The following COPB1 variants were observed in gnomAD, a reference collection of about 807,000 sequenced individuals.
The protein encoded by COPB1 is coat protein complex I subunit beta 1.
COPB1 carries 21 observed loss-of-function variants against 108.7 expected under a neutral mutation model. The ratio of observed to expected loss-of-function variants is 0.19; its 90% confidence interval spans 0.14 to 0.28. The LOEUF is 0.28. Among genes scored for constraint, COPB1 ranks in the 10% least tolerant of loss-of-function variants. The pLI is 1.00. For missense variants in COPB1, 919 were observed against 1,141.3 expected (o/e 0.81, Z 2.81); for synonymous variants, 378 against 386.8 (o/e 0.98, Z 0.27).
intron 20 of COPB1, 131 bp from the exon 21 acceptor site, chr11:14,458,818 G>A: frequency 1.3e-6 from 1 of 775,594 alleles, no homozygotes; most frequent in Non-Finnish European, 1.9e-6. Flanking sequence ...GCTTGGAGCT[G>A]GAGTGCAGTG....
At position 14,482,948 on chromosome 11, in the gene COPB1, T is replaced by C. The variant is rs1036248487; in HGVS notation, c.957+84A>G. On this transcript the variant is annotated intron_variant, in intron 8 of 21. Transcript: ENST00000439561. ...ACTGCTCAGTTTCCAAGCATTTAGG[T>C]TAACCAAGATGGGCAAAGCTTGAGA... 6.1e-6 allele frequency: 8 copies of C among 1,312,276 alleles called. No individual in the cohort carries two copies. In the African/African-American group the frequency reaches 8.7e-5, roughly 14 times the overall value. The allele number at this position is 1,312,276 out of a possible 1,614,324, so 81.3% of individuals were successfully genotyped here. A position where few individuals can be genotyped will look rare whatever the true frequency, so the allele number is the denominator to read the frequency against.
chr11:14,464,056 C>A (rs2575830), intron 18 of COPB1, among the ~76,000 whole-genome samples: 100,985 of 151,482 alleles, frequency 0.67, 33,835 homozygotes, highest in African/African-American at 0.71. Flanking sequence ...TAAAGTCTAA[C>A]ATCCTTAGCA....
chr11:14,462,987 C>G (rs996042305), intron 18 of COPB1, among the ~76,000 whole-genome samples: 1 of 152,142 alleles, frequency 6.6e-6, no homozygotes, highest in Non-Finnish European at 1.5e-5. Flanking sequence ...CGTATTTAGT[C>G]TTCAACCCAC....
chr11:14,474,819 G>A (rs1047201148), intron 13 of COPB1, among the ~76,000 whole-genome samples: 1 of 152,138 alleles, frequency 6.6e-6, no homozygotes, highest in Non-Finnish European at 1.5e-5. Context: ...TCTTTGGCCA[G>A]GTGCAGTGGC....
intron 14 of COPB1, among the ~76,000 whole-genome samples, chr11:14,469,815 C>T (rs1850364294): frequency 6.6e-6 from 1 of 152,214 alleles, no homozygotes. Context: ...TTGCTCCAGT[C>T]CTTCTCTGTA....
intron 19 of COPB1, 52 bp downstream of exon 19, chr11:14,461,134 A>T: frequency 3.1e-6 from 5 of 1,608,738 alleles, no homozygotes; most frequent in Non-Finnish European, 4.3e-6. Context: ...CCTCAACAGC[A>T]GGCAAAAGGA....
intron 16 of COPB1, among the ~76,000 whole-genome samples, chr11:14,467,307 T>C (rs886300591): frequency 6.6e-6 from 1 of 151,972 alleles, no homozygotes; most frequent in Non-Finnish European, 1.5e-5. Flanking sequence ...TCACTAATCA[T>C]TAGGAAAATG....
intron 7 of COPB1, among the ~76,000 whole-genome samples, chr11:14,483,488 G>A (rs1168273949): frequency 6.6e-6 from 1 of 151,982 alleles, no homozygotes; most frequent in Admixed American, 6.6e-5. Context: ...GAAAAATGCA[G>A]GAAAAGAATC....
At chr11:14,473,543 A>C (rs1850453982) in intron 14 of COPB1, among the ~76,000 whole-genome samples, 1 of 151,966 alleles carries the variant, frequency 6.6e-6, no homozygotes, top group South Asian at 2.1e-4. Context: ...GGAATAGAAT[A>C]GGGAGGCCCA....
At chr11:14,474,971 CTGTAAT>C (rs1850486755) in intron 13 of COPB1, among the ~76,000 whole-genome samples, 1 of 151,668 alleles carries the variant, frequency 6.6e-6, no homozygotes, top group Admixed American at 6.6e-5. Flanking sequence ...TGGCACAAAC[CTGTAAT>C]CCCAGCTACT....
intron 7 of COPB1, 80 bp downstream of exon 7, chr11:14,486,287 G>A (rs1224899128): frequency 4.6e-6 from 7 of 1,510,832 alleles, no homozygotes; most frequent in Non-Finnish European, 6.4e-6. Context: ...ACCACATAGT[G>A]AATTGAAATG....
chr11:14,477,537 C>T (rs1850555173), intron 11 of COPB1, among the ~76,000 whole-genome samples: 1 of 151,122 alleles, frequency 6.6e-6, no homozygotes, highest in Admixed American at 6.6e-5. Context: ...ACTAAAAATA[C>T]AAAAATCAGC....
At chr11:14,473,528 C>T (rs1412730262) in intron 14 of COPB1, among the ~76,000 whole-genome samples, 1 of 152,012 alleles carries the variant, frequency 6.6e-6, no homozygotes, top group East Asian at 1.9e-4. Context: ...ATTGTGGTAT[C>T]TCAGGGAATA....
At chr11:14,473,946 T>C (rs1850463490) in intron 14 of COPB1, 1 of 152,268 alleles carries the variant, frequency 6.6e-6, no homozygotes, top group African/African-American at 2.4e-5. Flanking sequence ...CTTTCTATTA[T>C]TTTTTACTGT....
chr11:14,467,432 G>A (rs1461124158), intron 16 of COPB1, among the ~76,000 whole-genome samples: 1 of 152,100 alleles, frequency 6.6e-6, no homozygotes, highest in Non-Finnish European at 1.5e-5. Flanking sequence ...CTTGTGCACT[G>A]CTGGTAAGAA....
intron 5 of COPB1, 46 bp downstream of exon 5, chr11:14,490,519 G>T: frequency 9.2e-7 from 1 of 1,081,410 alleles, no homozygotes; most frequent in Non-Finnish European, 1.4e-6. Context: ...ACTTTCAATT[G>T]TCACTTAAAT....
chr11:14,471,868 G>C (rs1380340558), intron 14 of COPB1, among the ~76,000 whole-genome samples: 3 of 152,216 alleles, frequency 2.0e-5, no homozygotes, highest in Non-Finnish European at 2.9e-5. Flanking sequence ...GTTGCAGTGA[G>C]CTGAGATCAT....
chr11:14,475,747 A>G, intron 13 of COPB1, 38 bp downstream of exon 13: 8 of 1,467,464 alleles, frequency 5.5e-6, no homozygotes, highest in Non-Finnish European at 7.2e-6. Flanking sequence ...TAATAATAAA[A>G]GTAGTACAGC....
chr11:14,480,673 G>C, intron 10 of COPB1, 86 bp downstream of exon 10: 1 of 1,308,238 alleles, frequency 7.6e-7, no homozygotes, highest in South Asian at 1.4e-5. Flanking sequence ...CTAGGCAGCT[G>C]AGATTTCTGG....
Sources: allele counts gnomAD v4.1 joint callset (sites outside exome capture counted in the v4.1 genomes callset), GRCh38; gene constraint gnomAD v4.1.1; transcripts MANE v1.5; gene names NCBI Gene and HGNC (gene_info 2026-07-23, HGNC 2026-07-21).